Variants in SRRM3 observed in about 807,000 individuals in gnomAD.
SRRM3 encodes the protein serine/arginine repetitive matrix protein 3.
A neutral mutation model predicts 66.2 loss-of-function variants in SRRM3; 27 were observed. The ratio of observed to expected loss-of-function variants is 0.41; its 90% CI spans 0.30 to 0.56. SRRM3 has a LOEUF of 0.56. Among genes scored for constraint, SRRM3 ranks in the 20% least tolerant of loss-of-function variants. The pLI is 0.32. For missense variants in SRRM3, 918 were observed against 991.9 expected (o/e 0.93, Z 1.00); for synonymous variants, 391 against 414.9 (o/e 0.94, Z 0.70).
chr7:76,216,329 G>A (rs2116951021), intron 1 of SRRM3, among the ~76,000 whole-genome samples: 1 of 152,230 alleles, frequency 6.6e-6, no homozygotes, highest in South Asian at 2.1e-4. Flanking sequence ...TTACAGGCGT[G>A]AGCCACCGTG....
At position 76,267,216 on chromosome 7, in the gene SRRM3, T is replaced by C. The variant is rs781903352; in HGVS notation, c.831-42T>C. ...GGCGCAACTGCTTGCAAAGCGGGTG[T>C]CCCACGCCGACTCCCCCATTCTTCC... is the stretch of plus-strand genomic sequence containing the variant. On this transcript the variant is annotated intron_variant, in intron 10 of 14. Coordinates refer to ENST00000611745, the MANE Select transcript of SRRM3 (RefSeq NM_001110199.3). 7 of 1,469,240 alleles carry C rather than the reference T, an allele frequency of 4.8e-6. No homozygotes were observed. The African/African-American group carries it at 6.0e-5, about 13-fold the overall frequency. 91.0% of individuals were successfully genotyped at this position (1,469,240 alleles called of 1,614,324 possible).
chr7:76,272,410 T>A (rs555589729), intron 11 of SRRM3, among the ~76,000 whole-genome samples: 18 of 151,466 alleles, frequency 1.2e-4, no homozygotes, highest in African/African-American at 3.4e-4. Context: ...AAAAAAAAAT[T>A]TTTTTTAATT....
Position 76,234,840 on chromosome 7 carries a change from A to G in SRRM3, c.-39-188A>G. The G allele has an allele frequency of 5.5e-6, 3 of 546,268 alleles. No homozygotes were observed. The South Asian group carries it at 7.2e-5, about 13-fold the overall frequency. The allele number at this position is 546,268 out of a possible 1,614,324, so 33.8% of individuals were successfully genotyped here. ...ACAGATGGAAAAAGCCCAGTGTCCA[A>G]CCCACTCGTGCCCTGAGGTGTGACC... is the stretch of plus-strand genomic sequence containing the variant. On this transcript the variant is annotated intron_variant, in intron 1 of 14. Transcript: ENST00000611745.
intron 11 of SRRM3, 196 bp downstream of exon 11, chr7:76,267,631 C>T: frequency 2.2e-6 from 1 of 453,732 alleles, no homozygotes. Flanking sequence ...GTTGCGCCCA[C>T]CTGGCCCTGG....
chr7:76,231,685 T>A (rs1801020159), intron 1 of SRRM3, among the ~76,000 whole-genome samples: 1 of 152,222 alleles, frequency 6.6e-6, no homozygotes, highest in African/African-American at 2.4e-5. Flanking sequence ...CAGTTTAGAA[T>A]AGGAGTTACA....
At chr7:76,277,713 C>T (rs1357397118) in intron 11 of SRRM3, among the ~76,000 whole-genome samples, 1 of 13,986 alleles carries the variant, frequency 7.2e-5, no homozygotes, top group African/African-American at 5.2e-4. Flanking sequence ...AAATAAACAA[C>T]AACAAAAAAA....
At chr7:76,264,228 C>T (rs900714965) in intron 8 of SRRM3, among the ~76,000 whole-genome samples, 13 of 147,020 alleles carry the variant, frequency 8.8e-5, no homozygotes, top group African/African-American at 2.6e-4. Flanking sequence ...AGTGCAAAGG[C>T]GCGATCTCAG....
At chr7:76,271,375 G>T (rs1434223737) in intron 11 of SRRM3, among the ~76,000 whole-genome samples, 1 of 152,168 alleles carries the variant, frequency 6.6e-6, no homozygotes, top group Non-Finnish European at 1.5e-5. Flanking sequence ...TACTGAGGGA[G>T]ATGAGGGAGG....
intron 1 of SRRM3, among the ~76,000 whole-genome samples, chr7:76,213,962 G>A (rs1369743258): frequency 1.3e-5 from 2 of 151,848 alleles, no homozygotes; most frequent in Admixed American, 6.6e-5. Context: ...TTTTAGTAGA[G>A]ATGGGGGGGT....
At position 76,235,281 on chromosome 7, in the gene SRRM3, AGATGATG is replaced by A; in HGVS notation, c.218_224del (p.Met73ArgfsTer21). ...GAGCTCAAGTGCATGGAGCTGCAGG[AGATGATG>A]GAGGAGCAGGGGTGAGCAGGCCGCG... On this transcript the variant is annotated frameshift_variant, in exon 2 of 15. Coordinates refer to ENST00000611745, the MANE Select transcript of SRRM3 (RefSeq NM_001110199.3). LOFTEE classifies it high-confidence loss of function. The A allele has an allele frequency of 6.5e-7, 1 of 1,526,756 alleles. No individual in the cohort carries two copies. The highest frequency in any genetic ancestry group is 8.7e-7 in the Non-Finnish European group (1 of 1,143,324). The allele number at this position is 1,526,756 out of a possible 1,614,324, so 94.6% of individuals were successfully genotyped here.
chr7:76,248,223 C>T lies in SRRM3; in HGVS notation c.269C>T (p.Thr90Ile). 32 of 1,613,844 alleles carry T rather than the reference C, an allele frequency of 2.0e-5. No individual in the cohort carries two copies. Among genetic ancestry groups the T allele is most frequent in the Non-Finnish European group, 2.7e-5 (32 of 1,179,846 alleles). ...SEEEIRQKVG[T>I]FRQMLMEKEG... is the part of the protein sequence containing the mutation. The stretch of plus-strand genomic sequence containing the variant: ...GAGGAGATTCGGCAGAAAGTGGGGA[C>T]ATTCCGGCAGATGCTGATGGAGAAG... The change falls in exon 3 of 15, where the codon ACA (threonine) becomes ATA (isoleucine). Residue 90 changes from threonine to isoleucine, a missense_variant. By Grantham distance (89) the Thr-to-Ile change is moderately conservative. Coordinates refer to ENST00000611745, the MANE Select transcript of SRRM3 (RefSeq NM_001110199.3).
At chr7:76,211,503 A>T (rs1800430217) in intron 1 of SRRM3, among the ~76,000 whole-genome samples, 1 of 152,174 alleles carries the variant, frequency 6.6e-6, no homozygotes, top group Admixed American at 6.5e-5. Context: ...CCCAGTAGGT[A>T]AGTGCATGGC....
chr7:76,211,571 C>A (rs1554601702), intron 1 of SRRM3, among the ~76,000 whole-genome samples: 1 of 152,104 alleles, frequency 6.6e-6, no homozygotes, highest in East Asian at 1.9e-4. Flanking sequence ...CAGATGGAGA[C>A]AACAGGGGGC....
intron 8 of SRRM3, among the ~76,000 whole-genome samples, chr7:76,263,816 T>A (rs781972309): frequency 1.2e-4 from 16 of 134,016 alleles, no homozygotes; most frequent in South Asian, 4.4e-4. Flanking sequence ...GAGGTTGCAG[T>A]GAGCTGAGAT....
chr7:76,241,140 G>A (rs541471376), intron 2 of SRRM3, among the ~76,000 whole-genome samples: 42 of 152,114 alleles, frequency 2.8e-4, no homozygotes, highest in African/African-American at 8.9e-4. Context: ...CAAGTGATCT[G>A]CCCGCCTCGG....
intron 11 of SRRM3, among the ~76,000 whole-genome samples, chr7:76,270,799 G>A (rs1802188199): frequency 1.3e-5 from 2 of 148,736 alleles, no homozygotes; most frequent in South Asian, 2.2e-4. Context: ...AGGTGACAGA[G>A]TGAGACTCCG....
At chr7:76,267,465 C>T in intron 11 of SRRM3, 30 bp downstream of exon 11, 1 of 1,320,158 alleles carries the variant, frequency 7.6e-7, no homozygotes, top group Non-Finnish European at 9.6e-7. Flanking sequence ...CGGAGGGTTC[C>T]CGCGCCGCGG....
In SRRM3 at chr7:76,281,483, G is replaced by A. The variant is rs1554611892; in HGVS notation, c.1051G>A (p.Ala351Thr). 1 of 1,227,614 alleles carries A rather than the reference G, an allele frequency of 8.1e-7. No homozygotes were observed. Among genetic ancestry groups the A allele is most frequent in the Non-Finnish European group, 1.0e-6 (1 of 981,360 alleles). The allele number at this position is 1,227,614 out of a possible 1,614,324, so 76.0% of individuals were successfully genotyped here. A position where few individuals can be genotyped will look rare whatever the true frequency, so the allele number is the denominator to read the frequency against. ...PSPRVRDKAA[A>T]AAPTPPARGK... ...GCCCAGGGTCCGTGACAAGGCGGCGGCCGCCGCACCCACGCCGCCCGCGCG... is the reference window on the plus strand; with the variant it reads ...GCCCAGGGTCCGTGACAAGGCGGCGACCGCCGCACCCACGCCGCCCGCGCG... The change falls in exon 12 of 15, where the codon GCC becomes ACC. Residue 351 changes from alanine to threonine, a missense_variant. Physicochemically the swap from Ala to Thr is moderately conservative, Grantham distance 58. Transcript: ENST00000611745.
At chr7:76,263,820 C>T (rs2117066249) in intron 8 of SRRM3, among the ~76,000 whole-genome samples, 1 of 131,208 alleles carries the variant, frequency 7.6e-6, no homozygotes, top group East Asian at 2.4e-4. Flanking sequence ...TTGCAGTGAG[C>T]TGAGATTGTG....
Sources: gnomAD v4.1 joint callset for allele counts (sites outside exome capture counted in the v4.1 genomes callset) on GRCh38, gnomAD v4.1.1 for gene constraint, MANE v1.5 for transcripts, NCBI Gene and HGNC (gene_info 2026-07-23, HGNC 2026-07-21) for gene names.